The following KAZN variants were observed in gnomAD, a reference collection of about 807,000 sequenced individuals.
The protein encoded by KAZN is kazrin.
A neutral mutation model predicts 87.4 loss-of-function variants in KAZN; 40 were observed. That is an observed-to-expected ratio of 0.46 (90% CI 0.36 to 0.60). The LOEUF is 0.60. KAZN is among the 20% of genes least tolerant of loss of function. The probability of loss-of-function intolerance (pLI) is 0.00; values close to 1 mark genes in which losing one functional copy is unlikely to be tolerated. For missense variants in KAZN, 898 were observed against 1,073.9 expected, an observed-to-expected ratio of 0.84 and a Z score of 2.29; for synonymous variants, 466 against 458.3, an observed-to-expected ratio of 1.02 and a Z score of -0.22.
chr1:14,197,934 T>C (rs1353928429), intron 2 of KAZN, among the ~76,000 whole-genome samples: 1 of 152,138 alleles, frequency 6.6e-6, no homozygotes, highest in East Asian at 1.9e-4. Flanking sequence ...GTGGTCATAA[T>C]GGCTGGAGTG....
chr1:14,824,644 G>A (rs775165835), intron 1 of KAZN, among the ~76,000 whole-genome samples: 19 of 152,186 alleles, frequency 1.2e-4, no homozygotes, highest in Non-Finnish European at 2.5e-4. Flanking sequence ...GAACATGGGC[G>A]CCATTCCAGA....
intron 2 of KAZN, among the ~76,000 whole-genome samples, chr1:15,013,403 A>C (rs1471674232): frequency 6.6e-6 from 1 of 152,134 alleles, no homozygotes; most frequent in Non-Finnish European, 1.5e-5. Flanking sequence ...ATAAGAAAAA[A>C]ATTAAGTATG....
Position 14,703,221 on chromosome 1 carries a change from C to T in KAZN, c.226+103998C>T, listed in dbSNP as rs144906770. On this transcript the variant is annotated intron_variant, in intron 1 of 14. Coordinates refer to ENST00000376030, the MANE Select transcript of KAZN (RefSeq NM_201628.3). ...TCAAGAGTAGGTTGACCAGGCTGGG[C>T]GAGGTGGCTCACACCTGTACTCCCA... 3.4e-4 allele frequency among the ~76,000 whole-genome samples: 52 copies of T among 152,258 alleles called. 1 individual carries two copies. In the East Asian group the frequency reaches 8.3e-3, roughly 24 times the overall value.
intron 1 of KAZN, among the ~76,000 whole-genome samples, chr1:14,020,749 A>C (rs1275170697): frequency 6.6e-6 from 1 of 152,218 alleles, no homozygotes; most frequent in African/African-American, 2.4e-5. Flanking sequence ...GAGTTCCAGC[A>C]AAGTTTTCCC....
At chr1:13,898,191 G>C (rs1639116862) in intron 1 of KAZN, among the ~76,000 whole-genome samples, 1 of 152,192 alleles carries the variant, frequency 6.6e-6, no homozygotes, top group South Asian at 2.1e-4. Context: ...GACTCGAGCT[G>C]GTATTCTTGT....
chr1:14,381,163 G>A (rs563599433), intron 2 of KAZN, among the ~76,000 whole-genome samples: 18 of 152,204 alleles, frequency 1.2e-4, no homozygotes, highest in African/African-American at 4.3e-4. Flanking sequence ...AGTCAAAGAA[G>A]CTGACTATAT....
At chr1:14,450,720 G>A (rs186270103) in intron 2 of KAZN, among the ~76,000 whole-genome samples, 39 of 152,266 alleles carry the variant, frequency 2.6e-4, no homozygotes, top group Non-Finnish European at 2.9e-4. Context: ...TACAAACCCC[G>A]GACATCAAGT....
intron 1 of KAZN, among the ~76,000 whole-genome samples, chr1:14,608,556 A>C (rs773732957): frequency 2.6e-5 from 4 of 152,234 alleles, no homozygotes; most frequent in Admixed American, 2.0e-4. Flanking sequence ...AACTGTTTGG[A>C]TAGATTGGAA....
chr1:14,142,294 A>G (rs1316992396), intron 1 of KAZN, among the ~76,000 whole-genome samples: 1 of 152,128 alleles, frequency 6.6e-6, no homozygotes, highest in Non-Finnish European at 1.5e-5. Context: ...TGGTGCATGC[A>G]CAATTAGAAG....
chr1:14,322,233 C>T (rs1656095666), intron 2 of KAZN, among the ~76,000 whole-genome samples: 1 of 151,992 alleles, frequency 6.6e-6, no homozygotes, highest in African/African-American at 2.4e-5. Flanking sequence ...TGTGTCCAGC[C>T]TGGGCAATAT....
chr1:14,651,051 A>G (rs1402883283), intron 1 of KAZN, among the ~76,000 whole-genome samples: 3 of 152,238 alleles, frequency 2.0e-5, no homozygotes, highest in African/African-American at 7.2e-5. Context: ...ACTCAAGCTC[A>G]TTCAACACAT....
At chr1:14,883,807 A>T (rs986582210) in intron 1 of KAZN, among the ~76,000 whole-genome samples, 2 of 152,116 alleles carry the variant, frequency 1.3e-5, no homozygotes, top group Admixed American at 1.3e-4. Flanking sequence ...CACTTATTTG[A>T]ATGTTACCTA....
chr1:14,598,750 TCTCCTCCTC>T lies in KAZN; in HGVS notation c.-247_-239del, dbSNP rs1191577908. On this transcript the variant is annotated 5_prime_UTR_variant, in exon 1 of 15. Transcript: ENST00000376030. The surrounding 1 kb of genome is among the most constrained non-coding windows in gnomAD (Gnocchi z 4.2). ...GGCGATCGCTGCTCCTCCTCCTCCT[TCTCCTCCTC>T]TTTTTTCTCCTCCGCCTCCTCCCCC... The T allele has an allele frequency of 5.2e-6, 7 of 1,336,526 alleles. No individual in the cohort carries two copies. The Admixed American group carries it at 3.0e-4, about 56-fold the overall frequency. 82.8% of individuals were successfully genotyped at this position (1,336,526 alleles called of 1,614,324 possible).
At chr1:14,564,993 G>A (rs1373046648) in intron 2 of KAZN, among the ~76,000 whole-genome samples, 1 of 146,798 alleles carries the variant, frequency 6.8e-6, no homozygotes, top group Non-Finnish European at 1.5e-5. Context: ...GGATACTGGG[G>A]GTTCAGGTTG....
chr1:14,583,596 TGG>T (rs1675680386), intron 2 of KAZN, among the ~76,000 whole-genome samples: 1 of 152,172 alleles, frequency 6.6e-6, no homozygotes, highest in East Asian at 1.9e-4. Context: ...GGCCCAAGGC[TGG>T]TTCCTGGGTG....
intron 8 of KAZN, among the ~76,000 whole-genome samples, chr1:15,084,030 G>A (rs531273663): frequency 2.6e-5 from 4 of 152,154 alleles, no homozygotes; most frequent in African/African-American, 9.7e-5. Context: ...TTTATTCCTG[G>A]GGGAAGGCAA....
intron 2 of KAZN, among the ~76,000 whole-genome samples, chr1:14,537,248 C>A (rs1042439874): frequency 5.9e-5 from 9 of 152,166 alleles, no homozygotes; most frequent in Non-Finnish European, 8.8e-5. Flanking sequence ...CTTCAGGACC[C>A]TGCTGAACCC....
At chr1:14,843,574 GC>G (rs565374153) in intron 1 of KAZN, among the ~76,000 whole-genome samples, 23 of 152,234 alleles carry the variant, frequency 1.5e-4, no homozygotes, top group Non-Finnish European at 3.2e-4. Flanking sequence ...GGGTGGAAGA[GC>G]CTTTGGGGCA....
At chr1:14,304,614 A>G (rs920252943) in intron 2 of KAZN, 14 of 398,304 alleles carry the variant, frequency 3.5e-5, no homozygotes, top group Middle Eastern at 6.2e-4. Flanking sequence ...CACATGGACA[A>G]TGAATTCATT....
Sources: gnomAD v4.1 joint callset for allele counts (sites outside exome capture counted in the v4.1 genomes callset) on GRCh38, gnomAD v4.1.1 for gene constraint, Gnocchi (gnomAD v3.1) non-coding constraint, MANE v1.5 for transcripts, NCBI Gene and HGNC (gene_info 2026-07-23, HGNC 2026-07-21) for gene names.